Variants in LRRFIP1 observed in about 807,000 individuals in gnomAD.
LRRFIP1 encodes the protein LRR binding FLII interacting protein 1.
A neutral mutation model predicts 104.4 loss-of-function variants in LRRFIP1; 62 were observed. That is an observed-to-expected ratio of 0.59 (90% CI 0.48 to 0.73). The LOEUF (loss-of-function observed/expected upper bound fraction) is 0.73, where lower values mean the gene tolerates loss of function less well. Among genes scored for constraint, LRRFIP1 ranks in the 30% least tolerant of loss-of-function variants. LRRFIP1 has a pLI of 0.00. For synonymous variants in LRRFIP1, 300 were observed against 299.0 expected, an observed-to-expected ratio of 1.00 and a Z score of -0.03; for missense variants, 796 against 824.5, an observed-to-expected ratio of 0.97 and a Z score of 0.42.
At chr2:237,639,261 G>A (rs1436521045) in intron 1 of LRRFIP1, among the ~76,000 whole-genome samples, 1 of 152,210 alleles carries the variant, frequency 6.6e-6, no homozygotes, top group Non-Finnish European at 1.5e-5. Flanking sequence ...GATCTCCCAT[G>A]CCCAAGAGGG....
intron 3 of LRRFIP1, among the ~76,000 whole-genome samples, chr2:237,715,400 C>T (rs1390714108): frequency 2.6e-5 from 4 of 152,210 alleles, no homozygotes; most frequent in East Asian, 3.8e-4. Flanking sequence ...GACAGCAGGA[C>T]GCTCTCATCC....
intron 1 of LRRFIP1, among the ~76,000 whole-genome samples, chr2:237,644,352 A>G (rs2084531193): frequency 6.6e-6 from 1 of 152,222 alleles, no homozygotes; most frequent in Non-Finnish European, 1.5e-5. Context: ...CTGTTGGGGC[A>G]GGGGGATTGG....
chr2:237,649,955 G>T lies in LRRFIP1; in HGVS notation c.96+22215G>T, dbSNP rs1332427227. Among the ~76,000 whole-genome samples the T allele has an allele frequency of 6.6e-6, 1 of 152,074 alleles. No individual in the cohort carries two copies. Among genetic ancestry groups the T allele is most frequent in the Admixed American group, 6.5e-5 (1 of 15,272 alleles). The stretch of plus-strand genomic sequence containing the variant: ...CCTTTCAAGTGTCCATCCATCCACT[G>T]GGCAGATTTTTACTTAGCACATTCC... On this transcript the variant is annotated intron_variant, in intron 1 of 23. Coordinates refer to ENST00000308482, the MANE Select transcript of LRRFIP1 (RefSeq NM_001137550.2). This position sits in a 1 kb window ranked among gnomAD's most constrained non-coding sequence, Gnocchi z 4.1.
At chr2:237,650,460 T>C in intron 1 of LRRFIP1, among the ~76,000 whole-genome samples, 1 of 148,908 alleles carries the variant, frequency 6.7e-6, no homozygotes, top group East Asian at 1.9e-4. Flanking sequence ...CTCTGGCCTG[T>C]GTTAAGAGGA....
chr2:237,714,506 C>T (rs951038), intron 3 of LRRFIP1, among the ~76,000 whole-genome samples: 10,869 of 152,248 alleles, frequency 0.071, 493 homozygotes, highest in Middle Eastern at 0.13. Flanking sequence ...CTTTTGTCAT[C>T]TGCATTTTCC....
intron 1 of LRRFIP1, among the ~76,000 whole-genome samples, chr2:237,689,848 C>A (rs956961956): frequency 1.3e-5 from 2 of 152,234 alleles, no homozygotes; most frequent in Non-Finnish European, 2.9e-5. Flanking sequence ...CACTAGGCAG[C>A]AGGCTAGCAG....
chr2:237,749,276 A>T lies in LRRFIP1; in HGVS notation c.747A>T (p.Gly249=). ...GGACTTCCTCTCGGAGAGGCAGCGG[A>T]GACACCTCCATCTCCATCGACACCG... ...LGGTSSRRGS[G]DTSISIDTEA... is the part of the protein sequence containing the mutation. The change falls in exon 13 of 24, where the codon GGA becomes GGT. Residue 249 remains glycine, a synonymous_variant. Coordinates refer to ENST00000308482, the MANE Select transcript of LRRFIP1 (RefSeq NM_001137550.2). 6.2e-7 allele frequency: 1 copy of T among 1,613,948 alleles called. No individual in the cohort carries two copies. The highest frequency in any genetic ancestry group is 8.5e-7 in the Non-Finnish European group (1 of 1,179,984).
Position 237,736,021 on chromosome 2 carries a change from A to C in LRRFIP1, c.555+688A>C, listed in dbSNP as rs148748450. Among the ~76,000 whole-genome samples, 330 of 152,324 alleles carry C rather than the reference A, an allele frequency of 2.2e-3. 1 individual carries two copies. Among genetic ancestry groups the C allele is most frequent in the African/African-American group, 7.6e-3 (318 of 41,574 alleles). On this transcript the variant is annotated intron_variant, in intron 10 of 23. Transcript: ENST00000308482. ...CCCCAATCCTATAAAAATGTCTTCA[A>C]GCCCTCCAGGAAATAGAAAGGTTTA...
chr2:237,687,585 C>G (rs1269972953), intron 1 of LRRFIP1, among the ~76,000 whole-genome samples: 1 of 109,906 alleles, frequency 9.1e-6, no homozygotes, highest in Non-Finnish European at 1.7e-5. Flanking sequence ...GCATGGGTAA[C>G]AGAGCGAGAC....
chr2:237,700,804 G>C (rs565422296), intron 1 of LRRFIP1, among the ~76,000 whole-genome samples: 1 of 152,164 alleles, frequency 6.6e-6, no homozygotes, highest in African/African-American at 2.4e-5. Context: ...TGGGCTCTGC[G>C]GGGGGAGGTG....
At position 237,627,677 on chromosome 2, in the gene LRRFIP1, G is replaced by T. The variant is rs1427522497; in HGVS notation, c.33G>T (p.Lys11Asn). MDMGTQGSGR[K>N]RLPNRERLTA... ...TGGGCACCCAGGGATCGGGGCGCAA[G>T]CGGCTCCCCAACCGGGAGCGGCTCA... The change falls in exon 1 of 24, where the codon AAG becomes AAT. Residue 11 changes from lysine to asparagine, a missense_variant. By Grantham distance (94) the Lys-to-Asn change is moderately conservative. Transcript: ENST00000308482. The T allele has an allele frequency of 2.2e-6, 3 of 1,368,790 alleles. No homozygotes were observed. Among genetic ancestry groups the T allele is most frequent in the Non-Finnish European group, 2.9e-6 (3 of 1,048,658 alleles). The allele number at this position is 1,368,790 out of a possible 1,614,324, so 84.8% of individuals were successfully genotyped here. A position where few individuals can be genotyped will look rare whatever the true frequency, so the allele number is the denominator to read the frequency against.
chr2:237,754,266 C>A (rs975010980), intron 15 of LRRFIP1, among the ~76,000 whole-genome samples: 13 of 152,156 alleles, frequency 8.5e-5, no homozygotes, highest in African/African-American at 2.7e-4. Context: ...GGAAAAGACA[C>A]AGTTACTCTA....
intron 1 of LRRFIP1, among the ~76,000 whole-genome samples, chr2:237,646,746 G>A (rs775384568): frequency 1.3e-5 from 2 of 151,966 alleles, no homozygotes; most frequent in Non-Finnish European, 2.9e-5. Context: ...TGCACACAGC[G>A]AGAAGGTGGC....
intron 1 of LRRFIP1, among the ~76,000 whole-genome samples, chr2:237,632,173 C>T (rs1165027915): frequency 2.0e-5 from 3 of 150,348 alleles, no homozygotes; most frequent in Non-Finnish European, 3.0e-5. Flanking sequence ...TCACACTGCC[C>T]CCAAGGAGTC....
intron 15 of LRRFIP1, among the ~76,000 whole-genome samples, chr2:237,754,801 C>T (rs188104312): frequency 6.9e-4 from 105 of 152,322 alleles, no homozygotes; most frequent in African/African-American, 1.0e-3. Flanking sequence ...AGCCCCCCTT[C>T]GGGTGGGGGC....
At chr2:237,715,209 G>A (rs2094280603) in intron 3 of LRRFIP1, among the ~76,000 whole-genome samples, 1 of 152,184 alleles carries the variant, frequency 6.6e-6, no homozygotes, top group South Asian at 2.1e-4. Context: ...CTGCATAGCT[G>A]CTGTCCCGAA....
intron 2 of LRRFIP1, among the ~76,000 whole-genome samples, chr2:237,712,336 C>T (rs55793316): frequency 0.015 from 2,265 of 152,236 alleles, 22 homozygotes; most frequent in Non-Finnish European, 0.022. Flanking sequence ...GGAGTGAATC[C>T]GTGGGCCATG....
rs2060259912 is a variant in LRRFIP1, at chr2:237,766,473, A to G, written c.1460-3470A>G. Among the ~76,000 whole-genome samples the G allele has an allele frequency of 6.6e-6, 1 of 152,146 alleles. No homozygotes were observed. The highest frequency in any genetic ancestry group is 6.5e-5 in the Admixed American group (1 of 15,278). On this transcript the variant is annotated intron_variant, in intron 19 of 23. Transcript: ENST00000308482. The surrounding 1 kb of genome is among the most constrained non-coding windows in gnomAD (Gnocchi z 4.8). Reference sequence around the variant, plus strand: ...CTCTTGGAAAGCAGTGTGACAACCAAGGTCACTAAATGGTGAGATCATCAA... The same window carrying G: ...CTCTTGGAAAGCAGTGTGACAACCAGGGTCACTAAATGGTGAGATCATCAA...
rs1432374948 is a variant in LRRFIP1, at chr2:237,779,405, C to G, written c.1813-17C>G. 2 of 1,611,552 alleles carry G rather than the reference C, an allele frequency of 1.2e-6. No homozygotes were observed. The highest frequency in any genetic ancestry group is 1.7e-5 in the Admixed American group (1 of 59,866). On this transcript the variant is annotated splice_polypyrimidine_tract_variant and intron_variant, in intron 23 of 23. Transcript: ENST00000308482. ...AAACAAGTTCCTTAAAGCTCACTGC[C>G]TTTCCTCCGTTCCCAGCTCCGCTCT...
Sources: allele counts gnomAD v4.1 joint callset (sites outside exome capture counted in the v4.1 genomes callset), GRCh38; gene constraint gnomAD v4.1.1; non-coding constraint Gnocchi (gnomAD v3.1); transcripts MANE v1.5; gene names NCBI Gene and HGNC (gene_info 2026-07-23, HGNC 2026-07-21).